Variants in CD2AP observed in about 807,000 individuals in gnomAD.
CD2AP encodes CD2-associated protein.
CD2AP carries 46 observed loss-of-function variants against 85.1 expected under a neutral mutation model. The ratio of observed to expected loss-of-function variants is 0.54; its 90% CI spans 0.43 to 0.69. CD2AP has a LOEUF of 0.69. Among genes scored for constraint, CD2AP ranks in the 30% least tolerant of loss-of-function variants. The probability of loss-of-function intolerance (pLI) is 0.00; values close to 1 mark genes in which losing one functional copy is unlikely to be tolerated. For synonymous variants in CD2AP, 255 were observed against 252.9 expected (o/e 1.01, Z -0.08); for missense variants, 769 against 729.5 (o/e 1.05, Z -0.62).
intron 17 of CD2AP, among the ~76,000 whole-genome samples, chr6:47,614,047 C>T (rs1769517301): frequency 6.6e-6 from 1 of 152,204 alleles, no homozygotes; most frequent in African/African-American, 2.4e-5. Flanking sequence ...GGGCCTCACT[C>T]TGGATTAGGC....
chr6:47,599,643 C>G (rs999507645), intron 13 of CD2AP, among the ~76,000 whole-genome samples, 200 bp downstream of exon 13: 1 of 151,968 alleles, frequency 6.6e-6, no homozygotes, highest in African/African-American at 2.4e-5. Flanking sequence ...CCTTACTGAT[C>G]AGACTTTATG....
chr6:47,512,060 A>C (rs1766328734), intron 2 of CD2AP, among the ~76,000 whole-genome samples: 1 of 152,134 alleles, frequency 6.6e-6, no homozygotes, highest in Non-Finnish European at 1.5e-5. Flanking sequence ...TGGGAGGCTG[A>C]GGCAGGAGAA....
chr6:47,618,589 A>T (rs1019238278), intron 17 of CD2AP, among the ~76,000 whole-genome samples: 1 of 152,328 alleles, frequency 6.6e-6, no homozygotes, highest in East Asian at 1.9e-4. Flanking sequence ...GCAGCATGTA[A>T]TGTAGAAATT....
Position 47,579,506 on chromosome 6 carries a change from C to T in CD2AP, c.1008+17C>T. The T allele has an allele frequency of 6.9e-7, 1 of 1,442,158 alleles. No homozygotes were observed. The highest frequency in any genetic ancestry group is 9.8e-7 in the Non-Finnish European group (1 of 1,023,300). 89.3% of individuals were successfully genotyped at this position (1,442,158 alleles called of 1,614,324 possible). A position where few individuals can be genotyped will look rare whatever the true frequency, so the allele number is the denominator to read the frequency against. On this transcript the variant is annotated intron_variant, in intron 9 of 17. Transcript: ENST00000359314. ...GACTTTCCAGTAAGCTTTTGTTTTT[C>T]AATGATGATAATACTTGAAAGAACA... is the stretch of plus-strand genomic sequence containing the variant.
chr6:47,565,090 T>A (rs1767958526), intron 5 of CD2AP, among the ~76,000 whole-genome samples: 2 of 152,150 alleles, frequency 1.3e-5, no homozygotes, highest in African/African-American at 4.8e-5. Context: ...ATGGACAATG[T>A]TGAGTCTTCA....
chr6:47,609,045 TTTC>T (rs1357504036), intron 15 of CD2AP, 75 bp from the exon 16 acceptor site: 32 of 1,162,174 alleles, frequency 2.8e-5, no homozygotes, highest in Non-Finnish European at 3.3e-5. Flanking sequence ...CTTAATTGTT[TTTC>T]TTCTTGCTGT....
intron 13 of CD2AP, among the ~76,000 whole-genome samples, chr6:47,603,533 A>G (rs1769197366): frequency 6.6e-6 from 1 of 152,078 alleles, no homozygotes; most frequent in South Asian, 2.1e-4. Flanking sequence ...GGCTTAATGC[A>G]TATTGAAATT....
intron 5 of CD2AP, among the ~76,000 whole-genome samples, chr6:47,562,425 A>G (rs1562033217): frequency 6.6e-6 from 1 of 152,192 alleles, no homozygotes; most frequent in Admixed American, 6.5e-5. Flanking sequence ...GAATAATGAG[A>G]TTGTGAGGAA....
chr6:47,502,270 G>A (rs975167939), intron 1 of CD2AP, among the ~76,000 whole-genome samples: 3 of 152,088 alleles, frequency 2.0e-5, no homozygotes, highest in Non-Finnish European at 4.4e-5. Context: ...GGGCATTACA[G>A]CCTTAAGTAA....
chr6:47,613,585 C>T (rs1177179157), intron 17 of CD2AP, among the ~76,000 whole-genome samples: 2 of 151,686 alleles, frequency 1.3e-5, no homozygotes, highest in Non-Finnish European at 2.9e-5. Context: ...AACAGATGTG[C>T]TGTTATCCAG....
intron 2 of CD2AP, among the ~76,000 whole-genome samples, chr6:47,508,982 A>G (rs891981964): frequency 2.6e-5 from 4 of 152,160 alleles, no homozygotes; most frequent in South Asian, 2.1e-4. Flanking sequence ...CTTTTGGCCT[A>G]TCTCAACTTT....
chr6:47,562,653 A>T (rs1332244661), intron 5 of CD2AP: 2 of 532,146 alleles, frequency 3.8e-6, no homozygotes, highest in African/African-American at 1.8e-5. Context: ...GATGTAATGG[A>T]TGTTAATACT....
chr6:47,538,485 A>G (rs930027676), intron 3 of CD2AP, among the ~76,000 whole-genome samples: 5 of 152,118 alleles, frequency 3.3e-5, no homozygotes, highest in African/African-American at 1.2e-4. Flanking sequence ...ACCTCAGGTG[A>G]TCCACCTGCC....
intron 5 of CD2AP, among the ~76,000 whole-genome samples, chr6:47,557,954 A>T (rs1767741305): frequency 6.6e-6 from 1 of 152,184 alleles, no homozygotes; most frequent in African/African-American, 2.4e-5. Context: ...ATTCCTATCC[A>T]TTAGCATGGA....
At chr6:47,606,405 A>G (rs1344254160) in intron 14 of CD2AP, 128 bp downstream of exon 14, 5 of 692,798 alleles carry the variant, frequency 7.2e-6, no homozygotes, top group Non-Finnish European at 1.3e-5. Context: ...CAAGTGGCAA[A>G]TGCTGGTATT....
chr6:47,504,802 A>T (rs1296131656), intron 2 of CD2AP, among the ~76,000 whole-genome samples: 1 of 152,156 alleles, frequency 6.6e-6, no homozygotes, highest in Non-Finnish European at 1.5e-5. Flanking sequence ...TGTAAAAGTT[A>T]TGTTTACATT....
intron 4 of CD2AP, among the ~76,000 whole-genome samples, chr6:47,550,666 A>T (rs895074750): frequency 6.6e-6 from 1 of 152,236 alleles, no homozygotes; most frequent in Non-Finnish European, 1.5e-5. Context: ...CTATCACTTG[A>T]TCCAGCAATC....
chr6:47,559,693 C>G (rs941166766), intron 5 of CD2AP, among the ~76,000 whole-genome samples: 7 of 151,990 alleles, frequency 4.6e-5, no homozygotes, highest in Non-Finnish European at 7.4e-5. Context: ...CTCATTCCAC[C>G]ATTTTAGACT....
intron 4 of CD2AP, among the ~76,000 whole-genome samples, chr6:47,547,981 C>CG (rs1303907907): frequency 6.6e-6 from 1 of 152,060 alleles, no homozygotes; most frequent in African/African-American, 2.4e-5. Context: ...TACTGAACGA[C>CG]AATAGTGACA....
Sources: allele counts gnomAD v4.1 joint callset (sites outside exome capture counted in the v4.1 genomes callset), GRCh38; gene constraint gnomAD v4.1.1; transcripts MANE v1.5; gene names NCBI Gene and HGNC (gene_info 2026-07-23, HGNC 2026-07-21).